Variants in WNT3 observed in about 807,000 individuals in gnomAD.
WNT3 encodes proto-oncogene Wnt-3.
WNT3 carries 7 observed loss-of-function variants against 34.2 expected under a neutral mutation model. The ratio of observed to expected loss-of-function variants is 0.20; its 90% CI spans 0.12 to 0.38. The LOEUF (loss-of-function observed/expected upper bound fraction) is 0.38. Among genes scored for constraint, WNT3 ranks in the 10% least tolerant of loss-of-function variants. The pLI, the probability that WNT3 is intolerant of heterozygous loss-of-function variation, is 1.00. For synonymous variants in WNT3, 212 were observed against 211.5 expected (o/e 1.00, Z -0.02); for missense variants, 267 against 499.8 (o/e 0.53, Z 4.44).
At chr17:46,812,533 C>T (rs529856442) in intron 1 of WNT3, among the ~76,000 whole-genome samples, 1 of 152,280 alleles carries the variant, frequency 6.6e-6, no homozygotes, top group African/African-American at 2.4e-5. Flanking sequence ...AGCCCCCTGG[C>T]TCTAGGTCCC....
intron 2 of WNT3, among the ~76,000 whole-genome samples, chr17:46,771,891 C>CTTG (rs2059376478): frequency 1.4e-5 from 2 of 144,956 alleles, no homozygotes; most frequent in East Asian, 2.0e-4. Context: ...CGCCCCCGCC[C>CTTG]CTGCCCCCGC....
chr17:46,805,691 C>T (rs1200155281), intron 1 of WNT3, among the ~76,000 whole-genome samples: 2 of 152,230 alleles, frequency 1.3e-5, no homozygotes, highest in African/African-American at 4.8e-5. Context: ...ATTGAGGCTA[C>T]AGTGGGCTGT....
chr17:46,789,375 G>A (rs966201426), intron 1 of WNT3, among the ~76,000 whole-genome samples: 4 of 152,158 alleles, frequency 2.6e-5, no homozygotes, highest in African/African-American at 7.2e-5. Context: ...GATCACTTGG[G>A]GTGGTTTTGA....
chr17:46,766,563 C>T (rs901933295), intron 4 of WNT3, among the ~76,000 whole-genome samples: 2 of 152,108 alleles, frequency 1.3e-5, no homozygotes, highest in Non-Finnish European at 2.9e-5. Flanking sequence ...GTTCAGATAC[C>T]GACAAAGGTA....
chr17:46,766,438 A>G (rs926779956), intron 4 of WNT3, among the ~76,000 whole-genome samples: 6 of 151,132 alleles, frequency 4.0e-5, no homozygotes, highest in Admixed American at 6.6e-5. Flanking sequence ...CTGGGCTCCC[A>G]TTGTCACCAC....
At chr17:46,769,740 G>A (rs1332009929) in intron 3 of WNT3, 43 bp downstream of exon 3, 1 of 1,602,162 alleles carries the variant, frequency 6.2e-7, no homozygotes, top group Non-Finnish European at 8.5e-7. Context: ...GGGGAAGCGG[G>A]GGGCTGCTCC....
At chr17:46,772,470 A>T (rs1425556933) in intron 2 of WNT3, among the ~76,000 whole-genome samples, 2 of 152,184 alleles carry the variant, frequency 1.3e-5, no homozygotes, top group Middle Eastern at 3.2e-3. Flanking sequence ...ATTCAGCGCT[A>T]CCTGGCCCGA....
intron 1 of WNT3, among the ~76,000 whole-genome samples, chr17:46,775,511 G>T (rs1437239699): frequency 1.3e-5 from 2 of 152,112 alleles, no homozygotes; most frequent in African/African-American, 4.8e-5. Flanking sequence ...AGGAACTGAG[G>T]AGCCAGATCT....
At chr17:46,793,613 A>G (rs2084016668) in intron 1 of WNT3, among the ~76,000 whole-genome samples, 1 of 152,152 alleles carries the variant, frequency 6.6e-6, no homozygotes, top group African/African-American at 2.4e-5. Context: ...CAGGACAAAG[A>G]ATTTCAGGGG....
chr17:46,794,759 T>C (rs1489949508), intron 1 of WNT3, among the ~76,000 whole-genome samples: 24 of 149,732 alleles, frequency 1.6e-4, no homozygotes, highest in Non-Finnish European at 2.8e-4. Flanking sequence ...TTTCTTTTTT[T>C]TTTTTTTTTT....
intron 1 of WNT3, among the ~76,000 whole-genome samples, chr17:46,790,423 A>G (rs116274943): frequency 6.0e-4 from 92 of 152,190 alleles, no homozygotes; most frequent in Middle Eastern, 3.4e-3. Context: ...TAAGTGGTCT[A>G]GGTGCTCCCT....
At chr17:46,784,151 A>G (rs1305726831) in intron 1 of WNT3, among the ~76,000 whole-genome samples, 1 of 152,172 alleles carries the variant, frequency 6.6e-6, no homozygotes, top group African/African-American at 2.4e-5. Context: ...AGGAACAGAC[A>G]GGAAGCTGTG....
At chr17:46,809,429 G>C (rs574075199) in intron 1 of WNT3, among the ~76,000 whole-genome samples, 1 of 152,328 alleles carries the variant, frequency 6.6e-6, no homozygotes, top group Non-Finnish European at 1.5e-5. Flanking sequence ...AGGTCTTCCA[G>C]ACAGACCTGG....
intron 1 of WNT3, among the ~76,000 whole-genome samples, chr17:46,807,120 AG>A (rs1043145806): frequency 6.6e-6 from 1 of 152,202 alleles, no homozygotes; most frequent in African/African-American, 2.4e-5. Flanking sequence ...AAGATCATGG[AG>A]GAAAAAAAAG....
Position 46,768,286 on chromosome 17 carries a change from C to CT in WNT3, c.*8+25dup. The stretch of plus-strand genomic sequence containing the variant: ...CATTCCCTGCGCCCAGGCTCCCAGC[C>CT]TCCCCCCTGCTTCCCGGAGCCCTAC... On this transcript the variant is annotated intron_variant, in intron 4 of 4. Coordinates refer to ENST00000225512, the MANE Select transcript of WNT3 (RefSeq NM_030753.5). The surrounding 1 kb of genome is among the most constrained non-coding windows in gnomAD (Gnocchi z 5.0). The CT allele has an allele frequency of 6.2e-7, 1 of 1,612,512 alleles. No individual in the cohort carries two copies.
intron 1 of WNT3, among the ~76,000 whole-genome samples, chr17:46,776,818 C>T (rs971746342): frequency 6.6e-6 from 1 of 152,194 alleles, no homozygotes; most frequent in Non-Finnish European, 1.5e-5. Flanking sequence ...TATGGGACCA[C>T]TGGAGCGGAG....
chr17:46,809,676 G>A (rs1247983051), intron 1 of WNT3, among the ~76,000 whole-genome samples: 1 of 152,144 alleles, frequency 6.6e-6, no homozygotes, highest in African/African-American at 2.4e-5. Flanking sequence ...ATGTGTCCCT[G>A]GTTGGAAATC....
intron 1 of WNT3, among the ~76,000 whole-genome samples, chr17:46,799,758 T>C (rs906430429): frequency 1.3e-5 from 2 of 152,220 alleles, no homozygotes; most frequent in African/African-American, 4.8e-5. Context: ...AGTTTCTGTC[T>C]GTTATTTCAT....
chr17:46,767,244 C>G (rs9905415), intron 4 of WNT3, among the ~76,000 whole-genome samples: 2 of 152,104 alleles, frequency 1.3e-5, no homozygotes, highest in Non-Finnish European at 2.9e-5. Context: ...AAAATCCACC[C>G]GCCTTTGATC....
Sources: gnomAD v4.1 joint callset for allele counts (sites outside exome capture counted in the v4.1 genomes callset) on GRCh38, gnomAD v4.1.1 for gene constraint, Gnocchi (gnomAD v3.1) non-coding constraint, MANE v1.5 for transcripts, NCBI Gene and HGNC (gene_info 2026-07-23, HGNC 2026-07-21) for gene names.